FBP2: variants seen among roughly 807,000 people sequenced by gnomAD.
The protein encoded by FBP2 is fructose-bisphosphatase 2, also known as fructose-1,6-bisphosphatase isozyme 2.
Under a neutral mutation model 31.6 loss-of-function variants are expected in FBP2, and 27 were observed. The ratio of observed to expected loss-of-function variants is 0.85; its 90% CI spans 0.63 to 1.18. The LOEUF (loss-of-function observed/expected upper bound fraction) is 1.18, where lower values mean the gene tolerates loss of function less well. Among genes scored for constraint, FBP2 ranks in the 50% most tolerant of loss-of-function variants. FBP2 has a pLI of 0.00. For missense variants in FBP2, 421 were observed against 436.1 expected, an observed-to-expected ratio of 0.97 and a Z score of 0.31; for synonymous variants, 168 against 179.8, an observed-to-expected ratio of 0.93 and a Z score of 0.53.
chr9:94,579,045 T>G (rs1280156123), intron 3 of FBP2, among the ~76,000 whole-genome samples: 1 of 2,910 alleles, frequency 3.4e-4, no homozygotes, highest in Non-Finnish European at 7.0e-4. Flanking sequence ...AGAGAGAGAC[T>G]CTGTCAAAAA....
At chr9:94,590,944 C>T (rs1827491936) in intron 1 of FBP2, among the ~76,000 whole-genome samples, 1 of 152,182 alleles carries the variant, frequency 6.6e-6, no homozygotes, top group Admixed American at 6.5e-5. Flanking sequence ...ACCAGAGCAG[C>T]TAGATACAGA....
intron 3 of FBP2, among the ~76,000 whole-genome samples, chr9:94,579,270 C>T (rs1274640667): frequency 6.7e-5 from 10 of 149,542 alleles, no homozygotes; most frequent in Non-Finnish European, 8.9e-5. Context: ...TGGTGCCGGG[C>T]GCCTGTAGTC....
intron 4 of FBP2, chr9:94,569,104 A>G (rs1044893372): frequency 6.6e-6 from 1 of 152,264 alleles, no homozygotes; most frequent in Admixed American, 6.5e-5. Flanking sequence ...TACTTCTGAA[A>G]AGTGCCCTGA....
At chr9:94,569,988 T>C (rs1227172794) in intron 4 of FBP2, 1 of 152,214 alleles carries the variant, frequency 6.6e-6, no homozygotes, top group African/African-American at 2.4e-5. Flanking sequence ...CTTTGTGCAC[T>C]GGGTCTTTGC....
At chr9:94,581,553 C>T (rs1206383758) in intron 3 of FBP2, among the ~76,000 whole-genome samples, 3 of 152,168 alleles carry the variant, frequency 2.0e-5, no homozygotes, top group Non-Finnish European at 4.4e-5. Flanking sequence ...AGTCCCTGGG[C>T]CATAGGGGTC....
intron 2 of FBP2, among the ~76,000 whole-genome samples, chr9:94,585,677 C>G (rs549231411): frequency 6.6e-6 from 1 of 152,192 alleles, no homozygotes; most frequent in South Asian, 2.1e-4. Context: ...GGATGGAGTG[C>G]AGTGGTGTGG....
intron 1 of FBP2, among the ~76,000 whole-genome samples, chr9:94,587,705 A>G (rs572993614): frequency 6.6e-6 from 1 of 152,174 alleles, no homozygotes; most frequent in African/African-American, 2.4e-5. Context: ...ATGACCCAGG[A>G]CTCAGTCTCA....
Position 94,571,556 on chromosome 9 carries a change from C to G in FBP2, c.473G>C (p.Arg158Pro). Reference protein sequence around the residue: ...PSEKDALQCGRNIVAAGYALY... With the variant: ...PSEKDALQCGPNIVAAGYALY... Reference sequence around the variant, plus strand: ...CGCATAACCTGCGGCCACAATATTGCGGCCACACTGCAGGGCATCCTTTTC... The same window carrying G: ...CGCATAACCTGCGGCCACAATATTGGGGCCACACTGCAGGGCATCCTTTTC... Residue 158 changes from arginine (R) to proline (P), a missense_variant, in exon 4 of 7, where the codon CGC (arginine) becomes CCC (proline). Transcript: ENST00000375337. 1.9e-6 allele frequency: 3 copies of G among 1,613,596 alleles called. 1 individual carries two copies. In the South Asian group the frequency reaches 3.3e-5, roughly 18 times the overall value.
At chr9:94,566,120 A>G (rs1282613446) in intron 5 of FBP2, among the ~76,000 whole-genome samples, 1 of 152,238 alleles carries the variant, frequency 6.6e-6, no homozygotes, top group Non-Finnish European at 1.5e-5. Flanking sequence ...GAAAATCACT[A>G]TAATCCTGAT....
In FBP2 at chr9:94,587,356, A is replaced by G; in HGVS notation, c.284T>C (p.Leu95Pro). The change falls in exon 2 of 7, where the codon CTG becomes CCG. Residue 95 changes from leucine to proline, a missense_variant. Coordinates refer to ENST00000375337, the MANE Select transcript of FBP2 (RefSeq NM_003837.4). The stretch of plus-strand genomic sequence containing the variant: ...GGCGTCCTTATTCTCTTCTGAGACC[A>G]GGACGCAGGTACTATAGGAGGATTG... ...MVQSSYSTCVLVSEENKDAII... is the reference protein window; with the variant it reads ...MVQSSYSTCVPVSEENKDAII... The G allele has an allele frequency of 6.2e-7, 1 of 1,614,036 alleles. No homozygotes were observed.
At chr9:94,559,612 G>A (rs935940854) in intron 6 of FBP2, among the ~76,000 whole-genome samples, 2 of 152,100 alleles carry the variant, frequency 1.3e-5, no homozygotes, top group Non-Finnish European at 2.9e-5. Flanking sequence ...TTGTGTGGAG[G>A]AACTCCACAT....
Position 94,593,699 on chromosome 9 carries a change from C to T in FBP2, c.28G>A (p.Asp10Asn), listed in dbSNP as rs1417966414. 2.5e-6 allele frequency: 4 copies of T among 1,614,116 alleles called. No homozygotes were observed. The highest frequency in any genetic ancestry group is 2.2e-5 in the East Asian group (1 of 44,878). The change falls in exon 1 of 7, where the codon GAC becomes AAC. Residue 10 changes from aspartate (D) to asparagine (N), a missense_variant. Coordinates refer to ENST00000375337, the MANE Select transcript of FBP2 (RefSeq NM_003837.4). MTDRSPFET[D>N]MLTLTRYVME... Reference sequence around the variant, plus strand: ...ACGTAGCGGGTCAGGGTGAGCATGTCGGTTTCGAAGGGGCTTCTGTCCGTC... The same window carrying T: ...ACGTAGCGGGTCAGGGTGAGCATGTTGGTTTCGAAGGGGCTTCTGTCCGTC...
chr9:94,582,726 T>G (rs1827385072), intron 3 of FBP2, among the ~76,000 whole-genome samples: 1 of 151,912 alleles, frequency 6.6e-6, no homozygotes, highest in Non-Finnish European at 1.5e-5. Context: ...TTTTTTGTAT[T>G]TTTAGTAGAG....
chr9:94,558,893 A>T lies in FBP2; in HGVS notation c.*45T>A, dbSNP rs77207190. On this transcript the variant is annotated 3_prime_UTR_variant, in exon 7 of 7. Coordinates refer to ENST00000375337, the MANE Select transcript of FBP2 (RefSeq NM_003837.4). ...TTTATCGTTCATTTAGGGTCCTTAG[A>T]CAAGGTGCAAGACAAACAGAAGAGG... 658 of 1,577,114 alleles carry T rather than the reference A, an allele frequency of 4.2e-4. 13 individuals carry two copies. In the East Asian group the frequency reaches 0.011, roughly 26 times the overall value.
At position 94,579,050 on chromosome 9, in the gene FBP2, C is replaced by CAAAAAAAAAAAAAA. The variant is rs55778806; in HGVS notation, c.426+5513_426+5526dup. On this transcript the variant is annotated intron_variant, in intron 3 of 6. Coordinates refer to ENST00000375337, the MANE Select transcript of FBP2 (RefSeq NM_003837.4). Reference sequence around the variant, plus strand: ...CCTGGGCAACAGAGAGAGACTCTGTCAAAAAAAAAAAAAAAAAAAGGTTAT... The same window carrying CAAAAAAAAAAAAAA: ...CCTGGGCAACAGAGAGAGACTCTGTCAAAAAAAAAAAAAAAAAAAAAAAAAAAAAAAAAGGTTAT... 3.3e-3 allele frequency among the ~76,000 whole-genome samples: 100 copies of CAAAAAAAAAAAAAA among 30,588 alleles called. 30 individuals carry two copies. The highest frequency in any genetic ancestry group is 0.018 in the African/African-American group (89 of 5,028). The allele number at this position is 30,588 out of a possible 152,430, so 20.1% of individuals were successfully genotyped here.
chr9:94,575,861 T>C (rs1475545841), intron 3 of FBP2, among the ~76,000 whole-genome samples: 1 of 152,232 alleles, frequency 6.6e-6, no homozygotes, highest in Non-Finnish European at 1.5e-5. Context: ...ACTGGGCAGC[T>C]TAACTTCATA....
intron 1 of FBP2, among the ~76,000 whole-genome samples, chr9:94,589,858 C>T (rs1308826200): frequency 3.9e-5 from 6 of 152,164 alleles, no homozygotes; most frequent in Non-Finnish European, 5.9e-5. Flanking sequence ...CTGGTCAAGA[C>T]AAAAGCAAGC....
intron 1 of FBP2, among the ~76,000 whole-genome samples, chr9:94,591,413 C>T (rs925877568): frequency 6.6e-5 from 10 of 152,234 alleles, no homozygotes; most frequent in East Asian, 1.9e-4. Context: ...TGCCGGGGGC[C>T]AGCAGGGCTG....
Position 94,563,476 on chromosome 9 carries a change from G to A in FBP2, c.706-15C>T. 6.2e-7 allele frequency: 1 copy of A among 1,611,232 alleles called. No individual in the cohort carries two copies. The highest frequency in any genetic ancestry group is 1.1e-5 in the South Asian group (1 of 90,816). Reference sequence around the variant, plus strand: ...GCACTGCCATCCTAGAAGACAGAAAGCGAAGAGACAAGATCCAGTGGCTTT... The same window carrying A: ...GCACTGCCATCCTAGAAGACAGAAAACGAAGAGACAAGATCCAGTGGCTTT... On this transcript the variant is annotated splice_polypyrimidine_tract_variant and intron_variant, in intron 5 of 6. Transcript: ENST00000375337.
Sources: allele counts gnomAD v4.1 joint callset (sites outside exome capture counted in the v4.1 genomes callset), GRCh38; gene constraint gnomAD v4.1.1; transcripts MANE v1.5; gene names NCBI Gene and HGNC (gene_info 2026-07-23, HGNC 2026-07-21).